PDE7B: variants seen among roughly 807,000 people sequenced by gnomAD.
The protein encoded by PDE7B is 3',5'-cyclic-AMP phosphodiesterase 7B.
A neutral mutation model predicts 56.2 loss-of-function variants in PDE7B; 29 were observed. The observed-to-expected ratio is 0.52, with a 90% CI of 0.38 to 0.70. PDE7B has a LOEUF of 0.70. PDE7B is among the 30% of genes least tolerant of loss of function. The probability of loss-of-function intolerance (pLI) is 0.00; values close to 1 mark genes in which losing one functional copy is unlikely to be tolerated. For missense variants in PDE7B, 490 were observed against 565.0 expected (o/e 0.87, Z 1.35); for synonymous variants, 197 against 196.9 (o/e 1.00, Z 0.00).
intron 3 of PDE7B, among the ~76,000 whole-genome samples, chr6:136,124,421 A>C (rs189908653): frequency 1.3e-5 from 2 of 152,312 alleles, no homozygotes; most frequent in East Asian, 1.9e-4. Context: ...GCATCGACAA[A>C]ATAGTATATT....
intron 9 of PDE7B, among the ~76,000 whole-genome samples, chr6:136,174,174 G>A (rs9483911): frequency 0.076 from 11,534 of 152,124 alleles, 1,359 homozygotes; most frequent in African/African-American, 0.25. Context: ...ATCAGTGCTC[G>A]ACTTTGCCAA....
At chr6:136,021,682 T>G (rs1218722596) in intron 2 of PDE7B, among the ~76,000 whole-genome samples, 3 of 152,076 alleles carry the variant, frequency 2.0e-5, no homozygotes, top group Non-Finnish European at 4.4e-5. Flanking sequence ...TTATTTTTCC[T>G]TCAGTCTCAC....
chr6:136,098,147 G>GGGA (rs1554279577), intron 2 of PDE7B: 10 of 62,878 alleles, frequency 1.6e-4, no homozygotes, highest in East Asian at 9.6e-4. Flanking sequence ...GGGGGGGGGG[G>GGGA]AAATATATGT....
At chr6:136,007,768 A>G (rs1266418739) in intron 2 of PDE7B, among the ~76,000 whole-genome samples, 3 of 151,652 alleles carry the variant, frequency 2.0e-5, no homozygotes, top group Non-Finnish European at 1.5e-5. Flanking sequence ...AGAGGTGTTC[A>G]TAGTAGTTTC....
At chr6:135,928,053 A>T (rs1171025479) in intron 1 of PDE7B, among the ~76,000 whole-genome samples, 1 of 152,270 alleles carries the variant, frequency 6.6e-6, no homozygotes, top group East Asian at 1.9e-4. Context: ...ATCAGTAATC[A>T]TTAGAGAAAT....
chr6:135,873,211 A>G (rs1775421037), intron 1 of PDE7B, among the ~76,000 whole-genome samples: 1 of 152,158 alleles, frequency 6.6e-6, no homozygotes, highest in Admixed American at 6.6e-5. Context: ...CTCTACCACA[A>G]GTTTCTAAAT....
chr6:135,958,477 AT>A (rs1467254733), intron 2 of PDE7B, among the ~76,000 whole-genome samples: 4 of 152,130 alleles, frequency 2.6e-5, no homozygotes, highest in Admixed American at 6.6e-5. Context: ...GTAAATTCAT[AT>A]TTTTTAAACA....
At chr6:136,092,891 G>T (rs1391410088) in intron 2 of PDE7B, among the ~76,000 whole-genome samples, 1 of 152,104 alleles carries the variant, frequency 6.6e-6, no homozygotes, top group Non-Finnish European at 1.5e-5. Flanking sequence ...TCAATAATGA[G>T]GTACTGTATA....
intron 2 of PDE7B, among the ~76,000 whole-genome samples, chr6:136,053,057 CA>C (rs1776660471): frequency 6.6e-6 from 1 of 152,234 alleles, no homozygotes; most frequent in African/African-American, 2.4e-5. Flanking sequence ...AATGGACTCA[CA>C]TTTTTTTAAA....
At chr6:135,953,206 G>A (rs1292614713) in intron 2 of PDE7B, among the ~76,000 whole-genome samples, 1 of 144,196 alleles carries the variant, frequency 6.9e-6, no homozygotes, top group Non-Finnish European at 1.5e-5. Context: ...TAATAAAGTT[G>A]GGAGTTATTT....
At chr6:136,125,396 T>G (rs1448874570) in intron 3 of PDE7B, among the ~76,000 whole-genome samples, 5 of 151,928 alleles carry the variant, frequency 3.3e-5, no homozygotes, top group Admixed American at 1.3e-4. Flanking sequence ...AAAAGACATC[T>G]CTTAAAAAAA....
chr6:136,154,002 C>T, intron 6 of PDE7B, 73 bp from the exon 7 acceptor site: 1 of 938,570 alleles, frequency 1.1e-6, no homozygotes, highest in Middle Eastern at 2.1e-4. Flanking sequence ...CAAAAAGCAC[C>T]CACAGTAAGT....
intron 2 of PDE7B, among the ~76,000 whole-genome samples, chr6:136,004,103 A>T (rs1186952251): frequency 6.6e-6 from 1 of 152,174 alleles, no homozygotes; most frequent in Non-Finnish European, 1.5e-5. Context: ...GACAAAAATC[A>T]CATGATTATC....
rs548398267 is a variant in PDE7B, at chr6:136,134,260, T to C, written c.167-13091T>C. Among the ~76,000 whole-genome samples the C allele has an allele frequency of 2.1e-4, 32 of 152,214 alleles. No individual in the cohort carries two copies. The South Asian group carries it at 2.7e-3, about 13-fold the overall frequency. The stretch of plus-strand genomic sequence containing the variant: ...ACGTTATGGCACACATCTGGAACTT[T>C]TGCAGTCAAATTTGACAGTCCAAAC... On this transcript the variant is annotated intron_variant, in intron 3 of 12. Coordinates refer to ENST00000308191, the MANE Select transcript of PDE7B (RefSeq NM_018945.4).
chr6:135,859,783 A>G (rs1052680821), intron 1 of PDE7B, among the ~76,000 whole-genome samples: 2 of 152,168 alleles, frequency 1.3e-5, no homozygotes, highest in African/African-American at 2.4e-5. Context: ...AATACAGCCT[A>G]TTTAAAATAT....
intron 2 of PDE7B, among the ~76,000 whole-genome samples, chr6:136,104,572 G>A (rs1777616621): frequency 6.6e-6 from 1 of 152,118 alleles, no homozygotes; most frequent in Admixed American, 6.5e-5. Flanking sequence ...ATCAGAACAG[G>A]CTCCTTAAAG....
chr6:135,938,470 A>G (rs971617116), intron 1 of PDE7B, among the ~76,000 whole-genome samples: 1 of 152,182 alleles, frequency 6.6e-6, no homozygotes, highest in Non-Finnish European at 1.5e-5. Context: ...ATTATTCCCA[A>G]AGTACCTTGA....
intron 3 of PDE7B, among the ~76,000 whole-genome samples, chr6:136,140,837 G>A (rs1302318553): frequency 6.6e-6 from 1 of 152,196 alleles, no homozygotes; most frequent in Non-Finnish European, 1.5e-5. Flanking sequence ...CTTTGCTGAA[G>A]TTGCCTATCA....
At chr6:136,158,912 A>C (rs1293094757) in intron 8 of PDE7B, among the ~76,000 whole-genome samples, 3 of 152,250 alleles carry the variant, frequency 2.0e-5, no homozygotes, top group African/African-American at 7.2e-5. Context: ...ATTAAGTTAC[A>C]TACAACGTTG....
Sources: allele counts gnomAD v4.1 joint callset (sites outside exome capture counted in the v4.1 genomes callset), GRCh38; gene constraint gnomAD v4.1.1; transcripts MANE v1.5; gene names NCBI Gene and HGNC (gene_info 2026-07-23, HGNC 2026-07-21).